The following MYO3B variants were observed in gnomAD, a reference collection of about 807,000 sequenced individuals.
MYO3B encodes the protein myosin-IIIb.
Under a neutral mutation model 174.6 loss-of-function variants are expected in MYO3B, and 156 were observed. That is an observed-to-expected ratio of 0.89 (90% confidence interval 0.78 to 1.02). The LOEUF (loss-of-function observed/expected upper bound fraction) is 1.02. Among genes scored for constraint, MYO3B ranks in the 50% least tolerant of loss-of-function variants. The probability of loss-of-function intolerance (pLI) is 0.00; values close to 1 mark genes in which losing one functional copy is unlikely to be tolerated. For synonymous variants in MYO3B, 563 were observed against 569.1 expected (o/e 0.99, Z 0.15); for missense variants, 1,632 against 1,639.4 (o/e 1.00, Z 0.08).
intron 22 of MYO3B, among the ~76,000 whole-genome samples, chr2:170,421,280 G>A (rs1409870648): frequency 1.3e-5 from 2 of 152,194 alleles, no homozygotes; most frequent in Non-Finnish European, 2.9e-5. Context: ...TATTCTGAAT[G>A]TAGAGAGATG....
rs745764853 is a variant in MYO3B at position 170,200,260 on chromosome 2, G to A, written c.297G>A (p.Gly99=). The change falls in exon 3 of 35, where the codon GGG becomes GGA. Residue 99 remains glycine (G), a synonymous_variant. Transcript: ENST00000408978. ...GMFYKADHCV[G]GQLWLVLELC... ...TTTACAAAGCGGATCACTGTGTAGG[G>A]GGACAGCTGTGGCTGGTCCTGGAGG... 1 of 1,612,606 alleles carries A rather than the reference G, an allele frequency of 6.2e-7. No homozygotes were observed. The highest frequency in any genetic ancestry group is 1.7e-5 in the Admixed American group (1 of 59,820).
intron 7 of MYO3B, among the ~76,000 whole-genome samples, chr2:170,260,552 G>T (rs1301555176): frequency 2.6e-5 from 4 of 152,180 alleles, no homozygotes; most frequent in Non-Finnish European, 4.4e-5. Flanking sequence ...GGGGACTACT[G>T]GAGTTGGGAG....
At chr2:170,603,923 C>A (rs144763548) in intron 32 of MYO3B, among the ~76,000 whole-genome samples, 2,061 of 152,248 alleles carry the variant, frequency 0.014, 29 homozygotes, top group Middle Eastern at 0.024. Flanking sequence ...TTTTGCTGTA[C>A]CTTTTCTAAG....
At chr2:170,573,128 G>A (rs1265147242) in intron 32 of MYO3B, among the ~76,000 whole-genome samples, 2 of 151,204 alleles carry the variant, frequency 1.3e-5, no homozygotes, top group African/African-American at 2.4e-5. Context: ...TGTTATTCTA[G>A]AAATTGGACT....
chr2:170,301,407 T>A (rs906981260), intron 7 of MYO3B, among the ~76,000 whole-genome samples: 21 of 152,210 alleles, frequency 1.4e-4, no homozygotes, highest in African/African-American at 5.1e-4. Context: ...CCACTTATAA[T>A]ACCTCAGATT....
chr2:170,337,096 T>A (rs986639497), intron 8 of MYO3B, among the ~76,000 whole-genome samples: 1 of 151,754 alleles, frequency 6.6e-6, no homozygotes, highest in African/African-American at 2.4e-5. Context: ...TCAGGCCATG[T>A]TGAGAGGAAA....
At chr2:170,258,707 A>G (rs937100185) in intron 7 of MYO3B, among the ~76,000 whole-genome samples, 1 of 152,174 alleles carries the variant, frequency 6.6e-6, no homozygotes, top group Non-Finnish European at 1.5e-5. Context: ...AGTTCTAGCC[A>G]GAGCAGTCAG....
At chr2:170,178,382 G>A (rs2092357852) in intron 1 of MYO3B, 93 bp downstream of exon 1, 1 of 1,526,496 alleles carries the variant, frequency 6.6e-7, no homozygotes, top group East Asian at 2.3e-5. Context: ...TGGCTGGTGG[G>A]CAGTGGAGGG....
intron 8 of MYO3B, among the ~76,000 whole-genome samples, chr2:170,351,672 T>C (rs1022791678): frequency 2.6e-5 from 4 of 152,100 alleles, no homozygotes; most frequent in African/African-American, 9.7e-5. Context: ...CTCTTCCTCC[T>C]CACCCTTTCA....
intron 32 of MYO3B, chr2:170,602,067 A>G (rs542975961): frequency 3.0e-6 from 3 of 986,092 alleles, no homozygotes; most frequent in African/African-American, 1.6e-5. Flanking sequence ...CTTTATCTTT[A>G]GCAGACATGG....
intron 34 of MYO3B, 88 bp from the exon 35 acceptor site, chr2:170,652,895 G>C (rs74918991): frequency 0.043 from 63,653 of 1,475,782 alleles, 1,721 homozygotes; most frequent in East Asian, 0.11. Context: ...CCCTGTTCCA[G>C]CTACTCACAT....
intron 8 of MYO3B, among the ~76,000 whole-genome samples, chr2:170,357,290 AG>A (rs1319587351): frequency 6.7e-6 from 1 of 150,320 alleles, no homozygotes; most frequent in African/African-American, 2.4e-5. Flanking sequence ...TGGGCAACAG[AG>A]AGAGACTCCA....
At position 170,619,737 on chromosome 2, in the gene MYO3B, CTTT is replaced by C. The variant is rs71412032; in HGVS notation, c.3734-31866_3734-31864del. On this transcript the variant is annotated intron_variant, in intron 32 of 34. Coordinates refer to ENST00000408978, the MANE Select transcript of MYO3B (RefSeq NM_138995.5). Reference sequence around the variant, plus strand: ...GATGGCCCATCACTGCTGCCATATTCTTTTTTTTTTTTTTTTTTTTTTTTTTTG... The same window carrying C: ...GATGGCCCATCACTGCTGCCATATTCTTTTTTTTTTTTTTTTTTTTTTTTG... 3.7e-4 allele frequency among the ~76,000 whole-genome samples: 19 copies of C among 50,782 alleles called. No homozygotes were observed. In the South Asian group the frequency reaches 5.5e-3, roughly 15 times the overall value. The allele number at this position is 50,782 out of a possible 152,430, so 33.3% of individuals were successfully genotyped here. A position where few individuals can be genotyped will look rare whatever the true frequency, so the allele number is the denominator to read the frequency against.
At chr2:170,319,683 C>T (rs537636822) in intron 7 of MYO3B, among the ~76,000 whole-genome samples, 2 of 152,220 alleles carry the variant, frequency 1.3e-5, no homozygotes, top group South Asian at 2.1e-4. Flanking sequence ...AAAATCTCAA[C>T]AAACCCAAAG....
At chr2:170,195,445 C>T (rs1228548103) in intron 1 of MYO3B, among the ~76,000 whole-genome samples, 1 of 151,998 alleles carries the variant, frequency 6.6e-6, no homozygotes, top group Non-Finnish European at 1.5e-5. Flanking sequence ...ACTGGACAGC[C>T]AAGCTTCAGG....
In MYO3B at chr2:170,199,221, GGATT is replaced by G. The variant is rs747841852; in HGVS notation, c.17_20del (p.Gly6AspfsTer7). On this transcript the variant is annotated frameshift_variant, in exon 2 of 35. Coordinates refer to ENST00000408978, the MANE Select transcript of MYO3B (RefSeq NM_138995.5). LOFTEE classifies it high-confidence loss of function. ...TCCCCCAACCAGGAAACATCTGTAT[GGATT>G]ATTTCACTATAATCCTATGATGCTT... The G allele has an allele frequency of 4.6e-5, 74 of 1,610,392 alleles. No individual in the cohort carries two copies. Among genetic ancestry groups the G allele is most frequent in the Non-Finnish European group, 6.2e-5 (73 of 1,178,256 alleles).
chr2:170,283,827 C>T (rs1223703572), intron 7 of MYO3B, among the ~76,000 whole-genome samples: 1 of 152,102 alleles, frequency 6.6e-6, no homozygotes, highest in African/African-American at 2.4e-5. Context: ...ATTTGGATTC[C>T]TGGGTTATTC....
intron 7 of MYO3B, among the ~76,000 whole-genome samples, chr2:170,292,541 T>A (rs2093602662): frequency 6.6e-6 from 1 of 152,186 alleles, no homozygotes; most frequent in African/African-American, 2.4e-5. Flanking sequence ...CTGTCCAGCT[T>A]GTTTTGGTTT....
intron 22 of MYO3B, among the ~76,000 whole-genome samples, chr2:170,438,181 C>T (rs2094770123): frequency 6.6e-6 from 1 of 152,128 alleles, no homozygotes; most frequent in Non-Finnish European, 1.5e-5. Flanking sequence ...TTGTGCAGTG[C>T]TGTGTTGCTG....
Sources: gnomAD v4.1 joint callset for allele counts (sites outside exome capture counted in the v4.1 genomes callset) on GRCh38, gnomAD v4.1.1 for gene constraint, MANE v1.5 for transcripts, NCBI Gene and HGNC (gene_info 2026-07-23, HGNC 2026-07-21) for gene names.